Variants in TAB3 observed in about 807,000 individuals in gnomAD.
TAB3 encodes TGF-beta activated kinase 1 (MAP3K7) binding protein 3.
In TAB3, 18 loss-of-function variants were observed where a neutral mutation model predicts 48.1. The observed-to-expected ratio is 0.37, with a 90% CI of 0.26 to 0.55. TAB3 has a LOEUF of 0.55. Among genes scored for constraint, TAB3 ranks in the 20% least tolerant of loss-of-function variants. The pLI is 0.78. For synonymous variants in TAB3, 185 were observed against 190.2 expected, an observed-to-expected ratio of 0.97 and a Z score of 0.22; for missense variants, 414 against 549.8, an observed-to-expected ratio of 0.75 and a Z score of 2.47.
At chrX:30,868,613 A>AGAGG (rs1555944585) in intron 2 of TAB3, among the ~76,000 whole-genome samples, 1 of 68,038 alleles carries the variant, frequency 1.5e-5, no homozygotes, top group African/African-American at 7.5e-5. Flanking sequence ...AGAGAGAGAG[A>AGAGG]GAGAGCGCGT....
At chrX:30,846,094 A>G in intron 8 of TAB3, 1 of 948,673 alleles carries the variant, frequency 1.1e-6, no homozygotes, top group Non-Finnish European at 1.4e-6. Context: ...CCAAAAAACT[A>G]AAACTATGAT....
intron 7 of TAB3, among the ~76,000 whole-genome samples, chrX:30,849,584 C>T (rs1274185694): frequency 8.9e-6 from 1 of 112,532 alleles, no homozygotes; most frequent in African/African-American, 3.2e-5. Context: ...AGGCTTATTA[C>T]ATACACTGTC....
At chrX:30,842,044 T>C (rs779003843) in intron 9 of TAB3, among the ~76,000 whole-genome samples, 2 of 112,719 alleles carry the variant, frequency 1.8e-5, no homozygotes, top group African/African-American at 3.2e-5. Context: ...CCTGGCCTCA[T>C]GTGATCCATC....
chrX:30,869,385 A>G (rs73454174), intron 2 of TAB3, among the ~76,000 whole-genome samples: 108 of 111,731 alleles, frequency 9.7e-4, no homozygotes, highest in African/African-American at 3.4e-3. Flanking sequence ...GCCATCCCAC[A>G]TTTATGTTAA....
intron 9 of TAB3, among the ~76,000 whole-genome samples, chrX:30,838,143 G>T (rs188971714): frequency 9.0e-6 from 1 of 111,274 alleles, no homozygotes; most frequent in East Asian, 2.8e-4. Flanking sequence ...TGTCACCCAG[G>T]CTGGAGTATA....
chrX:30,872,047 G>A (rs1354048109), intron 1 of TAB3, among the ~76,000 whole-genome samples: 2 of 112,067 alleles, frequency 1.8e-5, no homozygotes, highest in African/African-American at 6.5e-5. Context: ...TACAACAGCA[G>A]AGGGGACAAA....
chrX:30,840,379 G>A (rs1021534677), intron 9 of TAB3, among the ~76,000 whole-genome samples: 3 of 111,209 alleles, frequency 2.7e-5, no homozygotes, highest in East Asian at 2.8e-4. Flanking sequence ...TTTAACTATC[G>A]CATGGGAAAG....
chrX:30,877,895 A>T (rs747252218), intron 1 of TAB3, among the ~76,000 whole-genome samples: 2 of 112,240 alleles, frequency 1.8e-5, no homozygotes, highest in Admixed American at 1.9e-4. Flanking sequence ...ATAAGAATAC[A>T]GAAAGGTTAA....
intron 1 of TAB3, among the ~76,000 whole-genome samples, chrX:30,874,555 G>T (rs937844296): frequency 1.8e-5 from 2 of 112,072 alleles, no homozygotes; most frequent in Admixed American, 1.9e-4. Context: ...ATAAACAAGG[G>T]TATTTGACAT....
intron 8 of TAB3, chrX:30,844,690 G>A (rs751333635): frequency 7.1e-5 from 8 of 112,445 alleles, no homozygotes; most frequent in Non-Finnish European, 1.3e-4. Context: ...GTGGGCTATA[G>A]AGTGACTAGG....
chrX:30,831,198 T>C lies in TAB3; in HGVS notation c.*229A>G. On this transcript the variant is annotated 3_prime_UTR_variant, in exon 11 of 11. Transcript: ENST00000288422. Reference sequence around the variant, plus strand: ...TTCACAGAGTGAATCCTTTCCCAGTTTCAAGTATCCCTTTCTATCTCTCAC... The same window carrying C: ...TTCACAGAGTGAATCCTTTCCCAGTCTCAAGTATCCCTTTCTATCTCTCAC... 1 of 323,988 alleles carries C rather than the reference T, an allele frequency of 3.1e-6. No individual in the cohort carries two copies. Among genetic ancestry groups the C allele is most frequent in the Non-Finnish European group, 5.3e-6 (1 of 187,554 alleles). The allele number at this position is 323,988 out of a possible 1,213,427, so 26.7% of individuals were successfully genotyped here. A position where few individuals can be genotyped will look rare whatever the true frequency, so the allele number is the denominator to read the frequency against.
chrX:30,868,312 T>TATATATATATATA (rs1410557148), intron 2 of TAB3, among the ~76,000 whole-genome samples: 104 of 2,406 alleles, frequency 0.043, 36 homozygotes, highest in Non-Finnish European at 0.058. Context: ...TATATATATA[T>TATATATATATATA]AGCTTATATA....
rs763742404 is a variant in TAB3, at chrX:30,855,056, G to A, written c.609C>T (p.Leu203=). Reference sequence around the variant, plus strand: ...CTCTTGGTACAGTCTGTCCAGAAGGGAGGTTCTGGGATACTGTAACAGTAA... The same window carrying A: ...CTCTTGGTACAGTCTGTCCAGAAGGAAGGTTCTGGGATACTGTAACAGTAA... ...NPITVTVSQN[L]PSGQTVPRAL... Residue 203 remains leucine, a synonymous_variant, in exon 6 of 11, where the codon CTC becomes CTT. Coordinates refer to ENST00000288422, the MANE Select transcript of TAB3 (RefSeq NM_152787.5). 4 of 1,211,286 alleles carry A rather than the reference G, an allele frequency of 3.3e-6. No homozygotes were observed. Among genetic ancestry groups the A allele is most frequent in the Non-Finnish European group, 4.5e-6 (4 of 895,119 alleles).
At chrX:30,851,464 T>C (rs1474391600) in intron 7 of TAB3, among the ~76,000 whole-genome samples, 1 of 112,344 alleles carries the variant, frequency 8.9e-6, no homozygotes, top group Non-Finnish European at 1.9e-5. Context: ...CTAAAATGCC[T>C]TCCCCTTTTC....
chrX:30,848,435 T>C (rs913731966), intron 7 of TAB3, among the ~76,000 whole-genome samples: 2 of 111,323 alleles, frequency 1.8e-5, no homozygotes, highest in African/African-American at 6.5e-5. Context: ...GGCACGAGAA[T>C]TGCTTGAACT....
Position 30,859,507 on chromosome X carries a change from C to A in TAB3, c.82G>T (p.Val28Leu). 8.3e-7 allele frequency: 1 copy of A among 1,209,238 alleles called. No individual in the cohort carries two copies. Among genetic ancestry groups the A allele is most frequent in the Non-Finnish European group, 1.1e-6 (1 of 893,962 alleles). ...CTTACCTGTAACATGCACTGAGACA[C>A]CACGCCCTCTGGAATTTCAGGGAAA... ...QRFPEIPEGV[V>L]SQCMLQNNNN... The change falls in exon 5 of 11, where the codon GTG (valine) becomes TTG (leucine). Residue 28 changes from valine to leucine, a missense_variant. Transcript: ENST00000288422.
rs1217550487 is a variant in TAB3, at chrX:30,830,122, C to CTAT, written c.*1302_*1304dup. 3 of 111,495 alleles carry CTAT rather than the reference C, an allele frequency of 2.7e-5. No homozygotes were observed. The highest frequency in any genetic ancestry group is 5.6e-5 in the Non-Finnish European group (3 of 53,134). 9.2% of individuals were successfully genotyped at this position (111,495 alleles called of 1,213,427 possible). A position where few individuals can be genotyped will look rare whatever the true frequency, so the allele number is the denominator to read the frequency against. On this transcript the variant is annotated 3_prime_UTR_variant, in exon 11 of 11. Transcript: ENST00000288422. Reference sequence around the variant, plus strand: ...TATCTCTTATCCGCACCCTGAAGTTCTATTTCATAAATAAGGAGTGCTTTA... The same window carrying CTAT: ...TATCTCTTATCCGCACCCTGAAGTTCTATTATTTCATAAATAAGGAGTGCTTTA...
Position 30,861,162 on chromosome X carries a change from G to A in TAB3, c.-90-1484C>T, listed in dbSNP as rs1229515058. On this transcript the variant is annotated intron_variant, in intron 4 of 10. Transcript: ENST00000288422. ...ACAAAAACCAGCTAACCAAACAAAA[G>A]CCTGTAGCTCTACTCAAGATCTGTG... is the stretch of plus-strand genomic sequence containing the variant. Among the ~76,000 whole-genome samples, 3 of 111,807 alleles carry A rather than the reference G, an allele frequency of 2.7e-5. No individual in the cohort carries two copies. The East Asian group carries it at 8.4e-4, about 31-fold the overall frequency.
intron 7 of TAB3, 129 bp downstream of exon 7, chrX:30,852,648 TA>T: frequency 6.9e-6 from 5 of 724,805 alleles, no homozygotes; most frequent in Non-Finnish European, 7.7e-6. Context: ...CTGTTGTTTT[TA>T]AAAAAAGCAA....
Sources: gnomAD v4.1 joint callset for allele counts (sites outside exome capture counted in the v4.1 genomes callset) on GRCh38, gnomAD v4.1.1 for gene constraint, MANE v1.5 for transcripts, NCBI Gene and HGNC (gene_info 2026-07-23, HGNC 2026-07-21) for gene names.